Variants in SPTLC3 observed in about 807,000 individuals in gnomAD.
SPTLC3 encodes serine palmitoyltransferase 3.
Under a neutral mutation model 59.3 loss-of-function variants are expected in SPTLC3, and 36 were observed. The observed-to-expected ratio is 0.61, with a 90% CI of 0.47 to 0.80. SPTLC3 has a LOEUF of 0.80. Ranked by LOEUF, SPTLC3 falls within the 30% of genes least tolerant of loss-of-function variation. The probability of loss-of-function intolerance (pLI) is 0.00; values close to 1 mark genes in which losing one functional copy is unlikely to be tolerated. For missense variants in SPTLC3, 625 were observed against 685.1 expected, an observed-to-expected ratio of 0.91 and a Z score of 0.98; for synonymous variants, 257 against 240.8, an observed-to-expected ratio of 1.07 and a Z score of -0.62.
intron 9 of SPTLC3, among the ~76,000 whole-genome samples, chr20:13,129,010 G>T (rs1212170141): frequency 6.6e-6 from 1 of 151,790 alleles, no homozygotes; most frequent in Non-Finnish European, 1.5e-5. Context: ...CCGAGTAGCT[G>T]GGATTACAGG....
chr20:13,056,482 C>G (rs1987733740), intron 2 of SPTLC3, among the ~76,000 whole-genome samples: 1 of 144,658 alleles, frequency 6.9e-6, no homozygotes, highest in Non-Finnish European at 1.5e-5. Context: ...GAGACGGAGT[C>G]TCACTCTGTC....
intron 6 of SPTLC3, among the ~76,000 whole-genome samples, chr20:13,109,525 G>A (rs1200931493): frequency 6.6e-6 from 1 of 152,178 alleles, no homozygotes; most frequent in Admixed American, 6.5e-5. Flanking sequence ...AGCTTAGAAG[G>A]GTGCCTGGCA....
chr20:13,143,084 A>G (rs1178259628), intron 9 of SPTLC3, among the ~76,000 whole-genome samples: 1 of 152,204 alleles, frequency 6.6e-6, no homozygotes, highest in Non-Finnish European at 1.5e-5. Context: ...ATCTGCTTCA[A>G]CTTGAGCACT....
At chr20:13,035,036 T>C (rs919606) in intron 1 of SPTLC3, among the ~76,000 whole-genome samples, 1 of 151,996 alleles carries the variant, frequency 6.6e-6, no homozygotes, top group Non-Finnish European at 1.5e-5. Flanking sequence ...TTTGATCAAT[T>C]CTTCCCTCAT....
At chr20:13,045,939 G>A (rs1031547394) in intron 1 of SPTLC3, among the ~76,000 whole-genome samples, 1 of 152,094 alleles carries the variant, frequency 6.6e-6, no homozygotes, top group Non-Finnish European at 1.5e-5. Flanking sequence ...AAATGAAGAT[G>A]GGGCCAGGAA....
intron 2 of SPTLC3, chr20:13,051,004 C>T (rs1600232083): frequency 6.6e-6 from 1 of 152,240 alleles, no homozygotes; most frequent in Middle Eastern, 3.4e-3. Flanking sequence ...AACACACACA[C>T]ACAAGTTAAA....
intron 1 of SPTLC3, among the ~76,000 whole-genome samples, chr20:13,017,701 T>G (rs12479968): frequency 0.2 from 30,964 of 152,140 alleles, 3,678 homozygotes; most frequent in South Asian, 0.38. Flanking sequence ...TCTTCCAATG[T>G]GGCCCTGGAA....
chr20:13,122,894 A>G (rs1168951504), intron 8 of SPTLC3, among the ~76,000 whole-genome samples: 1 of 152,178 alleles, frequency 6.6e-6, no homozygotes, highest in Non-Finnish European at 1.5e-5. Flanking sequence ...TGGGTCTACC[A>G]ATGCGTAGTC....
chr20:13,102,276 T>A (rs1989627276), intron 6 of SPTLC3, among the ~76,000 whole-genome samples: 1 of 120,228 alleles, frequency 8.3e-6, no homozygotes, highest in African/African-American at 5.0e-5. Context: ...CCTCCCTATC[T>A]TTTAATGATA....
chr20:13,139,221 A>C (rs748595587), intron 9 of SPTLC3, among the ~76,000 whole-genome samples: 1 of 152,210 alleles, frequency 6.6e-6, no homozygotes, highest in Non-Finnish European at 1.5e-5. Context: ...AAACTCCCAC[A>C]GAAAAATTTG....
Position 13,117,981 on chromosome 20 carries a change from C to A in SPTLC3, c.1152+256C>A, listed in dbSNP as rs559245127. 2.6e-5 allele frequency among the ~76,000 whole-genome samples: 4 copies of A among 151,098 alleles called. No individual in the cohort carries two copies. In the East Asian group the frequency reaches 7.7e-4, roughly 29 times the overall value. ...CAACACTGGCCGTGTACATAAGATGCAAAGTACCAGGCAGAGGAATAATTA... is the reference window on the plus strand; with the variant it reads ...CAACACTGGCCGTGTACATAAGATGAAAAGTACCAGGCAGAGGAATAATTA... On this transcript the variant is annotated intron_variant, in intron 8 of 11. Coordinates refer to ENST00000399002, the MANE Select transcript of SPTLC3 (RefSeq NM_018327.4).
chr20:13,133,563 G>A (rs1399305814), intron 9 of SPTLC3, among the ~76,000 whole-genome samples: 1 of 151,978 alleles, frequency 6.6e-6, no homozygotes, highest in Admixed American at 6.6e-5. Flanking sequence ...GCAAAACCCC[G>A]TCTCTACTAA....
chr20:13,093,450 T>A, intron 5 of SPTLC3, 34 bp from the exon 6 acceptor site: 1 of 1,592,202 alleles, frequency 6.3e-7, no homozygotes, highest in Non-Finnish European at 8.6e-7. Context: ...TTTTATTTAT[T>A]GGCTTGTGTT....
chr20:13,157,320 T>G (rs1451533561), intron 10 of SPTLC3, among the ~76,000 whole-genome samples: 1 of 151,272 alleles, frequency 6.6e-6, no homozygotes, highest in African/African-American at 2.4e-5. Flanking sequence ...ACCTGTACTC[T>G]CAGCTACTTG....
intron 10 of SPTLC3, among the ~76,000 whole-genome samples, 153 bp from the exon 11 acceptor site, chr20:13,159,850 A>G (rs866087778): frequency 2.6e-5 from 4 of 152,218 alleles, no homozygotes; most frequent in Admixed American, 6.5e-5. Flanking sequence ...ATTTGACAGA[A>G]GTTTAAAAAC....
Position 13,168,816 on chromosome 20 carries a change from A to G in SPTLC3, c.*3949A>G, listed in dbSNP as rs1293574988. ...TCCTGGTCTCAAAACAGTAAGAACA[A>G]TTTGAAGTCTGTTCTTTAGAATGCC... On this transcript the variant is annotated 3_prime_UTR_variant, in exon 12 of 12. Coordinates refer to ENST00000399002, the MANE Select transcript of SPTLC3 (RefSeq NM_018327.4). 1 of 152,188 alleles carries G rather than the reference A, an allele frequency of 6.6e-6. No homozygotes were observed. Among genetic ancestry groups the G allele is most frequent in the East Asian group, 1.9e-4 (1 of 5,198 alleles). The allele number at this position is 152,188 out of a possible 1,614,324, so 9.4% of individuals were successfully genotyped here.
intron 1 of SPTLC3, among the ~76,000 whole-genome samples, chr20:13,044,827 C>T (rs1460292963): frequency 1.3e-5 from 2 of 152,066 alleles, no homozygotes; most frequent in Non-Finnish European, 2.9e-5. Context: ...AAAGTCTGAC[C>T]CCTGAGCAAA....
intron 4 of SPTLC3, among the ~76,000 whole-genome samples, chr20:13,085,588 T>C (rs558690419): frequency 6.6e-6 from 1 of 152,236 alleles, no homozygotes; most frequent in Non-Finnish European, 1.5e-5. Context: ...ATTTGGAAAA[T>C]AGTCTTCACG....
chr20:13,117,476 T>C (rs1990624325), intron 7 of SPTLC3, 30 bp from the exon 8 acceptor site: 1 of 1,536,056 alleles, frequency 6.5e-7, no homozygotes, highest in South Asian at 1.3e-5. Context: ...GGGTATTTGT[T>C]AGTTATGAGC....
Sources: allele counts gnomAD v4.1 joint callset (sites outside exome capture counted in the v4.1 genomes callset), GRCh38; gene constraint gnomAD v4.1.1; transcripts MANE v1.5; gene names NCBI Gene and HGNC (gene_info 2026-07-23, HGNC 2026-07-21).